CPS1: variants seen among roughly 807,000 people sequenced by gnomAD.
CPS1 encodes the protein carbamoyl-phosphate synthase 1.
CPS1 carries 109 observed loss-of-function variants against 174.6 expected under a neutral mutation model. The observed-to-expected ratio is 0.62, with a 90% CI of 0.53 to 0.73. The LOEUF (loss-of-function observed/expected upper bound fraction) is 0.73. CPS1 is among the 30% of genes least tolerant of loss of function. The pLI is 0.00. For missense variants in CPS1, 1,689 were observed against 1,821.9 expected, an observed-to-expected ratio of 0.93 and a Z score of 1.33; for synonymous variants, 637 against 632.0, an observed-to-expected ratio of 1.01 and a Z score of -0.12.
At chr2:210,625,318 C>A (rs1220189131) in intron 21 of CPS1, among the ~76,000 whole-genome samples, 1 of 151,924 alleles carries the variant, frequency 6.6e-6, no homozygotes, top group Non-Finnish European at 1.5e-5. Context: ...GGTTTATAAC[C>A]TATACAAAGA....
intron 19 of CPS1, 70 bp from the exon 20 acceptor site, chr2:210,612,047 C>T (rs1295550138): frequency 1.5e-6 from 2 of 1,330,404 alleles, no homozygotes; most frequent in South Asian, 2.4e-5. Context: ...TATTTTACGT[C>T]CAGTTCAGTT....
intron 1 of CPS1, among the ~76,000 whole-genome samples, chr2:210,532,497 C>T (rs915916641): frequency 4.6e-5 from 7 of 152,076 alleles, no homozygotes; most frequent in East Asian, 1.9e-4. Context: ...TCTACTGTAT[C>T]CTCTTAGGAC....
chr2:210,665,740 G>T (rs1290670221), intron 33 of CPS1, among the ~76,000 whole-genome samples: 1 of 150,556 alleles, frequency 6.6e-6, no homozygotes, highest in Non-Finnish European at 1.5e-5. Context: ...GGACATTTGG[G>T]TTGGTTCCAA....
At chr2:210,520,036 T>C (rs1695780289) in intron 1 of CPS1, among the ~76,000 whole-genome samples, 1 of 152,144 alleles carries the variant, frequency 6.6e-6, no homozygotes, top group East Asian at 1.9e-4. Context: ...TATTTACTTA[T>C]ATTTTTAAAT....
chr2:210,568,897 T>C (rs963359989), intron 1 of CPS1, among the ~76,000 whole-genome samples: 19 of 152,112 alleles, frequency 1.2e-4, no homozygotes, highest in African/African-American at 4.6e-4. Flanking sequence ...AATTACTGTT[T>C]AATATTTTCA....
At chr2:210,491,834 C>G (rs1173621615) in intron 1 of CPS1, among the ~76,000 whole-genome samples, 6 of 152,190 alleles carry the variant, frequency 3.9e-5, no homozygotes, top group Non-Finnish European at 8.8e-5. Flanking sequence ...GAACATAGGC[C>G]TTCCCTTCAT....
rs1418164047 is a variant in CPS1, at chr2:210,612,215, C to A, written c.2490C>A (p.Asn830Lys). The A allele has an allele frequency of 6.2e-7, 1 of 1,612,216 alleles. No homozygotes were observed. Among genetic ancestry groups the A allele is most frequent in the South Asian group, 1.1e-5 (1 of 91,060 alleles). ...GTTTCACTCCCCGTCTCCCAATGAA[C>A]AAAGAATGGCCATCTAATTTAGATC... ...IEGFTPRLPM[N>K]KEWPSNLDLR... The change falls in exon 20 of 38, where the codon AAC becomes AAA. Residue 830 changes from asparagine to lysine, a missense_variant. Physicochemically the swap from Asn to Lys is moderately conservative, Grantham distance 94 (BLOSUM62 0). Coordinates refer to ENST00000233072, the MANE Select transcript of CPS1 (RefSeq NM_001875.5).
chr2:210,564,803 G>A (rs1011381877), intron 1 of CPS1, among the ~76,000 whole-genome samples: 4 of 151,920 alleles, frequency 2.6e-5, no homozygotes, highest in African/African-American at 9.7e-5. Flanking sequence ...GACCAGCATG[G>A]CCAACATGGT....
intron 1 of CPS1, among the ~76,000 whole-genome samples, chr2:210,572,766 A>G (rs1459694062): frequency 6.6e-6 from 1 of 152,070 alleles, no homozygotes; most frequent in Admixed American, 6.6e-5. Flanking sequence ...TCATGAACAT[A>G]ATTCTGGCAT....
intron 21 of CPS1, among the ~76,000 whole-genome samples, chr2:210,636,099 T>A (rs1700035002): frequency 6.6e-6 from 1 of 152,242 alleles, no homozygotes; most frequent in Admixed American, 6.5e-5. Context: ...CTTCTGGCAA[T>A]ACACTATTTT....
intron 34 of CPS1, chr2:210,674,473 A>G (rs1701444676): frequency 7.2e-6 from 1 of 138,570 alleles, no homozygotes; most frequent in South Asian, 1.8e-4. Context: ...CCCCATCTCA[A>G]AAAAAAAAAC....
chr2:210,483,199 G>A (rs770142797), intron 1 of CPS1, among the ~76,000 whole-genome samples: 21 of 144,740 alleles, frequency 1.5e-4, no homozygotes, highest in Non-Finnish European at 2.0e-4. Flanking sequence ...GCATGCTGTC[G>A]CTCTGTGTGT....
At chr2:210,489,108 A>C (rs1694798439) in intron 1 of CPS1, among the ~76,000 whole-genome samples, 1 of 152,230 alleles carries the variant, frequency 6.6e-6, no homozygotes, top group Non-Finnish European at 1.5e-5. Context: ...CCTGCACTGC[A>C]AACTTATAGA....
intron 12 of CPS1, among the ~76,000 whole-genome samples, 176 bp downstream of exon 12, chr2:210,594,782 T>G (rs1462345265): frequency 6.6e-6 from 1 of 151,990 alleles, no homozygotes; most frequent in Non-Finnish European, 1.5e-5. Context: ...TGATGTCTAG[T>G]GGAACTTCTC....
At position 210,592,890 on chromosome 2, in the gene CPS1, T is replaced by C. The variant is rs1363275376; in HGVS notation, c.1098T>C (p.His366=). Residue 366 remains histidine, a synonymous_variant, in exon 11 of 38, where the codon CAT becomes CAC. Transcript: ENST00000233072. The stretch of plus-strand genomic sequence containing the variant: ...TCTTATTCCTTTAGGGGATTATGCA[T>C]GAGAGCAAACCCTTCTTCGCTGTGC... ...VNDQTNEGIM[H]ESKPFFAVQF... 1 of 1,612,356 alleles carries C rather than the reference T, an allele frequency of 6.2e-7. No homozygotes were observed. The highest frequency in any genetic ancestry group is 8.5e-7 in the Non-Finnish European group (1 of 1,178,906).
chr2:210,664,530 C>T (rs867185428), intron 33 of CPS1, among the ~76,000 whole-genome samples: 9 of 151,792 alleles, frequency 5.9e-5, no homozygotes, highest in South Asian at 2.1e-4. Flanking sequence ...GTAGAGATGG[C>T]GTTTCTCCAT....
intron 19 of CPS1, among the ~76,000 whole-genome samples, chr2:210,609,791 C>T (rs187540774): frequency 1.7e-3 from 265 of 151,976 alleles, no homozygotes; most frequent in Non-Finnish European, 3.6e-3. Flanking sequence ...ATAGCCTAAA[C>T]CCAGGCCAGC....
intron 21 of CPS1, among the ~76,000 whole-genome samples, chr2:210,621,149 C>T (rs191850217): frequency 3.2e-4 from 48 of 152,196 alleles, no homozygotes; most frequent in African/African-American, 1.1e-3. Flanking sequence ...GGGAAGCTGA[C>T]TGTTCTAGGC....
intron 1 of CPS1, among the ~76,000 whole-genome samples, chr2:210,510,249 AC>A (rs1197510792): frequency 1.3e-5 from 2 of 152,210 alleles, no homozygotes; most frequent in African/African-American, 4.8e-5. Flanking sequence ...CTGATCTTTG[AC>A]AAACCTGACA....
Sources: allele counts gnomAD v4.1 joint callset (sites outside exome capture counted in the v4.1 genomes callset), GRCh38; gene constraint gnomAD v4.1.1; transcripts MANE v1.5; gene names NCBI Gene and HGNC (gene_info 2026-07-23, HGNC 2026-07-21).